Variants in RPRD1B observed in about 807,000 individuals in gnomAD.
RPRD1B encodes regulation of nuclear pre-mRNA domain-containing protein 1B.
Under a neutral mutation model 41.5 loss-of-function variants are expected in RPRD1B, and 11 were observed. That is an observed-to-expected ratio of 0.27 (90% CI 0.17 to 0.44). RPRD1B has a LOEUF of 0.44. Ranked by LOEUF, RPRD1B falls within the 20% of genes least tolerant of loss-of-function variation. RPRD1B has a pLI of 1.00. For missense variants in RPRD1B, 248 were observed against 389.9 expected, an observed-to-expected ratio of 0.64 and a Z score of 3.06; for synonymous variants, 158 against 155.6, an observed-to-expected ratio of 1.02 and a Z score of -0.12.
At chr20:38,084,650 C>T (rs1352550004) in intron 6 of RPRD1B, among the ~76,000 whole-genome samples, 1 of 152,160 alleles carries the variant, frequency 6.6e-6, no homozygotes, top group Non-Finnish European at 1.5e-5. Flanking sequence ...CTCTCTTCAG[C>T]AAATTGTCTG....
Position 38,041,207 on chromosome 20 carries a change from TTAAATTAGGTGCCCAG to T in RPRD1B, c.281+644_281+659del, listed in dbSNP as rs1336554750. ...GTAAAAACAAAAGCTTTCTGTGGGCTTAAATTAGGTGCCCAGGAAAAGCAAAGAAAAACTATCGTTC... is the reference window on the plus strand; with the variant it reads ...GTAAAAACAAAAGCTTTCTGTGGGCTGAAAAGCAAAGAAAAACTATCGTTC... On this transcript the variant is annotated intron_variant, in intron 2 of 6. Coordinates refer to ENST00000373433, the MANE Select transcript of RPRD1B (RefSeq NM_021215.4). 6.6e-5 allele frequency among the ~76,000 whole-genome samples: 10 copies of T among 152,358 alleles called. No homozygotes were observed. The South Asian group carries it at 1.9e-3, about 28-fold the overall frequency.
intron 5 of RPRD1B, among the ~76,000 whole-genome samples, chr20:38,063,918 T>C (rs1036958178): frequency 6.6e-6 from 1 of 152,270 alleles, no homozygotes; most frequent in African/African-American, 2.4e-5. Flanking sequence ...ATTATTTGTG[T>C]AAATGAATTA....
chr20:38,048,323 A>G (rs373829010), intron 2 of RPRD1B, 25 bp from the exon 3 acceptor site: 13 of 1,604,484 alleles, frequency 8.1e-6, no homozygotes, highest in Non-Finnish European at 1.1e-5. Context: ...AAGCTTATAT[A>G]TATCTTTTCA....
intron 3 of RPRD1B, among the ~76,000 whole-genome samples, chr20:38,053,407 T>G (rs2074208361): frequency 6.6e-6 from 1 of 152,172 alleles, no homozygotes; most frequent in South Asian, 2.1e-4. Flanking sequence ...GACTCCTCCC[T>G]TCAAGCGGTT....
At position 38,092,216 on chromosome 20, in the gene RPRD1B, T is replaced by A. The variant is rs1346006082; in HGVS notation, c.*2341T>A. 2 of 985,456 alleles carry A rather than the reference T, an allele frequency of 2.0e-6. No individual in the cohort carries two copies. Among genetic ancestry groups the A allele is most frequent in the Admixed American group, 1.2e-4 (2 of 16,260 alleles). 61.0% of individuals were successfully genotyped at this position (985,456 alleles called of 1,614,324 possible). A position where few individuals can be genotyped will look rare whatever the true frequency, so the allele number is the denominator to read the frequency against. On this transcript the variant is annotated 3_prime_UTR_variant, in exon 7 of 7. Transcript: ENST00000373433. ...TTCAATCTTCCCTTGTTTTTGTTTG[T>A]TTGTTTTTCTTAAAGAATATTTTCA...
chr20:38,048,497 C>G lies in RPRD1B; in HGVS notation c.415+16C>G, dbSNP rs748323966. 6.3e-7 allele frequency: 1 copy of G among 1,593,250 alleles called. No individual in the cohort carries two copies. The highest frequency in any genetic ancestry group is 8.6e-7 in the Non-Finnish European group (1 of 1,164,590). ...CCCCCCAAAGGTAGAAACATCACCA[C>G]ATGTTTACAGCTCTTGGTCTTTGCC... On this transcript the variant is annotated intron_variant, in intron 3 of 6. Transcript: ENST00000373433.
At chr20:38,086,677 C>G (rs999631780) in intron 6 of RPRD1B, among the ~76,000 whole-genome samples, 10 of 152,204 alleles carry the variant, frequency 6.6e-5, no homozygotes, top group African/African-American at 2.4e-4. Context: ...CAGTCTCACT[C>G]TCCCTCTTTC....
intron 6 of RPRD1B, among the ~76,000 whole-genome samples, chr20:38,074,230 G>A (rs947692916): frequency 1.3e-5 from 2 of 152,036 alleles, no homozygotes; most frequent in Non-Finnish European, 2.9e-5. Context: ...GTTAATGTGT[G>A]GGCTTCTGTG....
intron 5 of RPRD1B, among the ~76,000 whole-genome samples, chr20:38,064,151 A>T (rs2074328801): frequency 6.6e-6 from 1 of 152,110 alleles, no homozygotes; most frequent in African/African-American, 2.4e-5. Flanking sequence ...GCGGTCCTTT[A>T]TCCTCTGTGA....
Position 38,091,302 on chromosome 20 carries a change from AATTTTACATGTTAAACAC to A in RPRD1B, c.*1431_*1448del. 1.0e-6 allele frequency: 1 copy of A among 985,258 alleles called. No individual in the cohort carries two copies. The highest frequency in any genetic ancestry group is 1.2e-6 in the Non-Finnish European group (1 of 829,654). The allele number at this position is 985,258 out of a possible 1,614,324, so 61.0% of individuals were successfully genotyped here. On this transcript the variant is annotated 3_prime_UTR_variant, in exon 7 of 7. Coordinates refer to ENST00000373433, the MANE Select transcript of RPRD1B (RefSeq NM_021215.4). ...TCCAGGATCACCAAAAATTACATGTAATTTTACATGTTAAACACATTGAAACATAACCTATGTTTATAA... is the reference window on the plus strand; with the variant it reads ...TCCAGGATCACCAAAAATTACATGTAATTGAAACATAACCTATGTTTATAA...
intron 6 of RPRD1B, among the ~76,000 whole-genome samples, chr20:38,084,970 A>G (rs752443732): frequency 2.0e-5 from 3 of 152,074 alleles, no homozygotes; most frequent in Non-Finnish European, 4.4e-5. Flanking sequence ...ATTCTTCCCT[A>G]TTCGGGGCCC....
intron 3 of RPRD1B, 100 bp from the exon 4 acceptor site, chr20:38,057,432 C>A: frequency 2.7e-6 from 2 of 743,122 alleles, no homozygotes; most frequent in Non-Finnish European, 4.8e-6. Context: ...AAAATGTGTG[C>A]CCCTTCTGCC....
intron 5 of RPRD1B, among the ~76,000 whole-genome samples, chr20:38,059,846 T>C (rs1300376230): frequency 6.6e-6 from 1 of 152,180 alleles, no homozygotes; most frequent in East Asian, 1.9e-4. Flanking sequence ...ATTCTGTCTG[T>C]TAGACTCATA....
intron 6 of RPRD1B, among the ~76,000 whole-genome samples, chr20:38,074,655 G>A (rs2074442234): frequency 6.6e-6 from 1 of 152,168 alleles, no homozygotes; most frequent in Non-Finnish European, 1.5e-5. Context: ...TTTATGGAAT[G>A]CATATAATAT....
intron 2 of RPRD1B, among the ~76,000 whole-genome samples, chr20:38,047,086 C>T (rs928443020): frequency 7.2e-5 from 11 of 152,002 alleles, no homozygotes; most frequent in African/African-American, 1.7e-4. Context: ...AACTCATTTC[C>T]GGATATATTT....
Position 38,090,650 on chromosome 20 carries a change from A to G in RPRD1B, c.*775A>G, listed in dbSNP as rs2074604605. On this transcript the variant is annotated 3_prime_UTR_variant, in exon 7 of 7. Coordinates refer to ENST00000373433, the MANE Select transcript of RPRD1B (RefSeq NM_021215.4). ...TGTCGGAGCACGTTCCGAAAAACAGAATGCCTTGATCCCTGGTGGGTGCGA... is the reference window on the plus strand; with the variant it reads ...TGTCGGAGCACGTTCCGAAAAACAGGATGCCTTGATCCCTGGTGGGTGCGA... 1.0e-5 allele frequency: 10 copies of G among 985,480 alleles called. No homozygotes were observed. Among genetic ancestry groups the G allele is most frequent in the Non-Finnish European group, 1.1e-5 (9 of 829,942 alleles). The allele number at this position is 985,480 out of a possible 1,614,324, so 61.0% of individuals were successfully genotyped here.
At position 38,040,484 on chromosome 20, in the gene RPRD1B, C is replaced by T. The variant is rs757330454; in HGVS notation, c.201C>T (p.Ile67=). ...LTFLYLANDV[I]QNSKRKGPEF... ...TTCTGTATTTAGCGAATGATGTCATCCAAAACAGTAAAAGGAAAGGACCTG... is the reference window on the plus strand; with the variant it reads ...TTCTGTATTTAGCGAATGATGTCATTCAAAACAGTAAAAGGAAAGGACCTG... The change falls in exon 2 of 7, where the codon ATC becomes ATT. Residue 67 remains isoleucine, a synonymous_variant. Coordinates refer to ENST00000373433, the MANE Select transcript of RPRD1B (RefSeq NM_021215.4). 1 of 1,608,882 alleles carries T rather than the reference C, an allele frequency of 6.2e-7. No individual in the cohort carries two copies. The highest frequency in any genetic ancestry group is 1.1e-5 in the South Asian group (1 of 90,004).
In RPRD1B at chr20:38,090,862, A is replaced by G. The variant is rs1007899405; in HGVS notation, c.*987A>G. 13 of 985,302 alleles carry G rather than the reference A, an allele frequency of 1.3e-5. No homozygotes were observed. The highest frequency in any genetic ancestry group is 5.2e-4 in the Middle Eastern group (1 of 1,936). The allele number at this position is 985,302 out of a possible 1,614,324, so 61.0% of individuals were successfully genotyped here. A position where few individuals can be genotyped will look rare whatever the true frequency, so the allele number is the denominator to read the frequency against. ...AGTACGGTGGCTAAACTCGAACATCACTGCAAATAGGACGCTGAGCAGGTC... is the reference window on the plus strand; with the variant it reads ...AGTACGGTGGCTAAACTCGAACATCGCTGCAAATAGGACGCTGAGCAGGTC... On this transcript the variant is annotated 3_prime_UTR_variant, in exon 7 of 7. Coordinates refer to ENST00000373433, the MANE Select transcript of RPRD1B (RefSeq NM_021215.4).
rs1175590354 is a variant in RPRD1B, at chr20:38,080,825, A to G, written c.832-8901A>G. On this transcript the variant is annotated intron_variant, in intron 6 of 6. Transcript: ENST00000373433. The stretch of plus-strand genomic sequence containing the variant: ...TAGGCATGAGCCACCGTGCCCAGCC[A>G]GTGTACAGCTTTATTTCTGAGTTCT... Among the ~76,000 whole-genome samples the G allele has an allele frequency of 2.0e-5, 3 of 152,212 alleles. No individual in the cohort carries two copies. The East Asian group carries it at 5.8e-4, about 29-fold the overall frequency.
Sources: gnomAD v4.1 joint callset for allele counts (sites outside exome capture counted in the v4.1 genomes callset) on GRCh38, gnomAD v4.1.1 for gene constraint, MANE v1.5 for transcripts, NCBI Gene and HGNC (gene_info 2026-07-23, HGNC 2026-07-21) for gene names.